The following TAFA4 variants were observed in gnomAD, a reference collection of about 807,000 sequenced individuals.
The protein encoded by TAFA4 is chemokine-like protein TAFA-4.
In TAFA4, 20 loss-of-function variants were observed where a neutral mutation model predicts 21.1. The observed-to-expected ratio is 0.95, with a 90% CI of 0.67 to 1.38. The LOEUF (loss-of-function observed/expected upper bound fraction) is 1.38. Among genes scored for constraint, TAFA4 ranks in the 40% most tolerant of loss-of-function variants. TAFA4 has a pLI of 0.00. For missense variants in TAFA4, 211 were observed against 180.9 expected, an observed-to-expected ratio of 1.17 and a Z score of -0.95; for synonymous variants, 71 against 67.4, an observed-to-expected ratio of 1.05 and a Z score of -0.26.
chr3:68,858,166 T>C (rs940836657), intron 3 of TAFA4, among the ~76,000 whole-genome samples: 13 of 152,096 alleles, frequency 8.5e-5, no homozygotes, highest in Non-Finnish European at 1.5e-4. Flanking sequence ...CTCCACCTTT[T>C]GGCTAAGATC....
rs115476173 is a variant in TAFA4 at position 68,733,063 on chromosome 3, A to T, written c.*79T>A. 1.9e-6 allele frequency: 3 copies of T among 1,587,294 alleles called. No individual in the cohort carries two copies. The highest frequency in any genetic ancestry group is 2.7e-5 in the African/African-American group (2 of 73,806). On this transcript the variant is annotated 3_prime_UTR_variant, in exon 6 of 6. Coordinates refer to ENST00000295569, the MANE Select transcript of TAFA4 (RefSeq NM_182522.5). ...TGAAATCCTAGACAATTTTCTGCAAAGGGGCCATGATGGGAATCCAAGCAA... is the reference window on the plus strand; with the variant it reads ...TGAAATCCTAGACAATTTTCTGCAATGGGGCCATGATGGGAATCCAAGCAA...
chr3:68,894,876 C>A (rs752141923), intron 1 of TAFA4, among the ~76,000 whole-genome samples: 3 of 151,758 alleles, frequency 2.0e-5, no homozygotes, highest in Non-Finnish European at 4.4e-5. Context: ...TTTTTTGTAA[C>A]AGAGTTTCAC....
At chr3:68,800,175 T>C (rs905989308) in intron 3 of TAFA4, among the ~76,000 whole-genome samples, 1 of 152,132 alleles carries the variant, frequency 6.6e-6, no homozygotes, top group African/African-American at 2.4e-5. Flanking sequence ...TGTAATGCAC[T>C]TGAATTATCC....
At position 68,752,871 on chromosome 3, in the gene TAFA4, CAAG is replaced by C; in HGVS notation, c.275_277del (p.Ser92del). On this transcript the variant is annotated inframe_deletion, in exon 4 of 6. Coordinates refer to ENST00000295569, the MANE Select transcript of TAFA4 (RefSeq NM_182522.5). ...GACCAGAGAGGTCTTACCTTCAACA[CAAG>C]AAGGTTGAGCCCGAGTTGTGCCCGC... is the stretch of plus-strand genomic sequence containing the variant. 6.2e-7 allele frequency: 1 copy of C among 1,614,064 alleles called. No homozygotes were observed. The highest frequency in any genetic ancestry group is 8.5e-7 in the Non-Finnish European group (1 of 1,180,016).
chr3:68,801,832 C>A (rs1227671135), intron 3 of TAFA4, among the ~76,000 whole-genome samples: 3 of 152,084 alleles, frequency 2.0e-5, no homozygotes, highest in Non-Finnish European at 4.4e-5. Context: ...AGTTTACCAA[C>A]CTCTGATCAA....
At chr3:68,793,636 T>G (rs529451933) in intron 3 of TAFA4, among the ~76,000 whole-genome samples, 43 of 152,290 alleles carry the variant, frequency 2.8e-4, no homozygotes, top group African/African-American at 9.4e-4. Context: ...GAGTAAAAAT[T>G]ATGATCTTTT....
At chr3:68,755,089 T>G (rs1335200039) in intron 3 of TAFA4, among the ~76,000 whole-genome samples, 1 of 152,144 alleles carries the variant, frequency 6.6e-6, no homozygotes, top group Non-Finnish European at 1.5e-5. Context: ...CAAGGAAGTA[T>G]GTGCGCAGGT....
chr3:68,777,747 G>A (rs139677489), intron 3 of TAFA4, among the ~76,000 whole-genome samples: 250 of 152,198 alleles, frequency 1.6e-3, no homozygotes, highest in South Asian at 2.5e-3. Flanking sequence ...GATGACAGAC[G>A]ACATAGACAA....
At chr3:68,767,421 T>A (rs987578963) in intron 3 of TAFA4, among the ~76,000 whole-genome samples, 2 of 151,966 alleles carry the variant, frequency 1.3e-5, no homozygotes, top group Non-Finnish European at 2.9e-5. Context: ...ATAAAATGCA[T>A]AAGCTACAAA....
intron 1 of TAFA4, among the ~76,000 whole-genome samples, chr3:68,898,904 G>A (rs146796428): frequency 4.6e-5 from 7 of 152,084 alleles, no homozygotes; most frequent in East Asian, 3.9e-4. Flanking sequence ...AGGGAGTGTC[G>A]ACCAGAAAAA....
chr3:68,926,962 G>C (rs893590391), intron 1 of TAFA4, among the ~76,000 whole-genome samples: 1 of 152,068 alleles, frequency 6.6e-6, no homozygotes. Context: ...GAGCTGCCCT[G>C]TGCACAACAG....
intron 3 of TAFA4, among the ~76,000 whole-genome samples, chr3:68,833,058 G>C (rs983103651): frequency 3.3e-5 from 5 of 152,238 alleles, no homozygotes; most frequent in African/African-American, 1.2e-4. Context: ...AAAGACCATG[G>C]GAAAAGCATA....
Position 68,814,708 on chromosome 3 carries a change from G to A in TAFA4, c.131-61690C>T, listed in dbSNP as rs185525709. Among the ~76,000 whole-genome samples the A allele has an allele frequency of 4.0e-3, 615 of 152,250 alleles. 6 individuals are homozygous for A. The highest frequency in any genetic ancestry group is 0.014 in the African/African-American group (571 of 41,544). ...AACATTCCATGCTCATGGGTAGGAA[G>A]AATCAGTATCGTGAAAATGGCCATA... On this transcript the variant is annotated intron_variant, in intron 3 of 5. Coordinates refer to ENST00000295569, the MANE Select transcript of TAFA4 (RefSeq NM_182522.5).
intron 1 of TAFA4, among the ~76,000 whole-genome samples, chr3:68,902,025 G>T (rs1422053462): frequency 6.6e-6 from 1 of 152,216 alleles, no homozygotes. Context: ...ATTAATAACA[G>T]CAGCAGTTAA....
At chr3:68,789,125 G>C (rs546705520) in intron 3 of TAFA4, among the ~76,000 whole-genome samples, 5 of 152,162 alleles carry the variant, frequency 3.3e-5, no homozygotes, top group East Asian at 1.9e-4. Context: ...CAGCTACTAG[G>C]GGGGCTGAGG....
intron 1 of TAFA4, among the ~76,000 whole-genome samples, chr3:68,927,643 A>C (rs1340647037): frequency 6.6e-6 from 1 of 152,198 alleles, no homozygotes; most frequent in Non-Finnish European, 1.5e-5. Context: ...TCATGCCTGT[A>C]GTGTCAACAC....
intron 3 of TAFA4, among the ~76,000 whole-genome samples, chr3:68,804,583 T>A (rs1307557442): frequency 6.6e-6 from 1 of 152,178 alleles, no homozygotes; most frequent in Non-Finnish European, 1.5e-5. Context: ...CAAAACAGCA[T>A]GGTACTGGTA....
At chr3:68,918,323 G>A (rs185946542) in intron 1 of TAFA4, among the ~76,000 whole-genome samples, 2 of 148,602 alleles carry the variant, frequency 1.3e-5, no homozygotes, top group East Asian at 1.9e-4. Context: ...ACTGTCAACC[G>A]TCATCCTCTG....
intron 1 of TAFA4, among the ~76,000 whole-genome samples, chr3:68,889,200 A>C (rs1057151144): frequency 6.6e-6 from 1 of 152,168 alleles, no homozygotes; most frequent in Non-Finnish European, 1.5e-5. Context: ...AAGATGGTGG[A>C]TGCTGGGCTG....
Sources: gnomAD v4.1 joint callset for allele counts (sites outside exome capture counted in the v4.1 genomes callset) on GRCh38, gnomAD v4.1.1 for gene constraint, MANE v1.5 for transcripts, NCBI Gene and HGNC (gene_info 2026-07-23, HGNC 2026-07-21) for gene names.